The following RHCE variants were observed in gnomAD, a reference collection of about 807,000 sequenced individuals.
The protein encoded by RHCE is blood group Rh(CE) polypeptide.
In RHCE, 22 loss-of-function variants were observed where a neutral mutation model predicts 43.8. That is an observed-to-expected ratio of 0.50 (90% CI 0.36 to 0.72). The LOEUF (loss-of-function observed/expected upper bound fraction) is 0.72. Among genes scored for constraint, RHCE ranks in the 30% least tolerant of loss-of-function variants. The pLI is 0.00. For missense variants in RHCE, 385 were observed against 525.4 expected (o/e 0.73, Z 2.61); for synonymous variants, 156 against 210.7 (o/e 0.74, Z 2.25).
intron 2 of RHCE, among the ~76,000 whole-genome samples, chr1:25,404,675 C>T (rs1444670526): frequency 6.6e-6 from 1 of 151,286 alleles, no homozygotes. Context: ...TCTAGGCTGC[C>T]TGGGCTGGAA....
At chr1:25,371,170 C>G (rs1446390402) in intron 8 of RHCE, among the ~76,000 whole-genome samples, 1 of 150,902 alleles carries the variant, frequency 6.6e-6, no homozygotes, top group African/African-American at 2.5e-5. Context: ...TAGAAGGGCC[C>G]CACGAAAGCT....
At chr1:25,402,792 C>T (rs1212285301) in intron 2 of RHCE, 46 bp from the exon 3 acceptor site, 1 of 1,606,084 alleles carries the variant, frequency 6.2e-7, no homozygotes, top group South Asian at 1.1e-5. Flanking sequence ...GGAAGGATGC[C>T]TCTCACTCAT....
intron 1 of RHCE, among the ~76,000 whole-genome samples, chr1:25,415,072 TTC>T (rs1455166261): frequency 1.3e-5 from 2 of 152,098 alleles, no homozygotes; most frequent in Non-Finnish European, 2.9e-5. Context: ...GTCCCTCCCC[TTC>T]TGTCTCTCAC....
At chr1:25,390,194 G>T (rs623104) in intron 5 of RHCE, among the ~76,000 whole-genome samples, 94 of 151,926 alleles carry the variant, frequency 6.2e-4, no homozygotes, top group African/African-American at 1.1e-3. Flanking sequence ...TTGTCTCTCT[G>T]TACTAATAGC....
At chr1:25,392,993 T>C (rs1463937903) in intron 3 of RHCE, among the ~76,000 whole-genome samples, 5 of 152,170 alleles carry the variant, frequency 3.3e-5, no homozygotes, top group African/African-American at 1.2e-4. Context: ...GTGATATAAA[T>C]TTTGCAACAT....
chr1:25,417,475 T>C lies in RHCE; in HGVS notation c.148+3164A>G, dbSNP rs557129248. On this transcript the variant is annotated intron_variant, in intron 1 of 9. Transcript: ENST00000294413. Reference sequence around the variant, plus strand: ...GGAAAGGCAGAGTGAAACTTCTCCTTGTACAAGCTGTCAGTCACATTCGAG... The same window carrying C: ...GGAAAGGCAGAGTGAAACTTCTCCTCGTACAAGCTGTCAGTCACATTCGAG... Among the ~76,000 whole-genome samples, 869 of 152,292 alleles carry C rather than the reference T, an allele frequency of 5.7e-3. 4 individuals carry two copies. Among genetic ancestry groups the C allele is most frequent in the Non-Finnish European group, 9.1e-3 (619 of 68,028 alleles).
At chr1:25,395,323 A>G (rs1646503947) in intron 3 of RHCE, among the ~76,000 whole-genome samples, 1 of 150,894 alleles carries the variant, frequency 6.6e-6, no homozygotes, top group Admixed American at 6.6e-5. Context: ...ATGCAGGAAC[A>G]AGTGGAGGTG....
chr1:25,416,472 C>T (rs1416884479), intron 1 of RHCE, among the ~76,000 whole-genome samples: 2 of 152,088 alleles, frequency 1.3e-5, no homozygotes, highest in African/African-American at 4.8e-5. Flanking sequence ...ATCATGTTAG[C>T]CAGGATGGTC....
chr1:25,411,136 C>T (rs1276666042), intron 1 of RHCE, among the ~76,000 whole-genome samples: 5 of 151,598 alleles, frequency 3.3e-5, no homozygotes, highest in South Asian at 4.1e-4. Flanking sequence ...TATCAATTTA[C>T]GTGTTTCAAC....
At chr1:25,428,518 C>G (rs2042822178) in intron 2 of RHCE, among the ~76,000 whole-genome samples, 2 of 152,146 alleles carry the variant, frequency 1.3e-5, no homozygotes, top group South Asian at 2.1e-4. Flanking sequence ...TCTTGGCCAC[C>G]CGGTGCCACT....
chr1:25,377,799 G>A (rs1645834432), intron 7 of RHCE, among the ~76,000 whole-genome samples: 1 of 152,214 alleles, frequency 6.6e-6, no homozygotes, highest in Non-Finnish European at 1.5e-5. Context: ...AAGCTACTCA[G>A]GAGGCTGAAG....
Position 25,395,402 on chromosome 1 carries a change from A to G in RHCE, c.487-3261T>C, listed in dbSNP as rs576077657. Among the ~76,000 whole-genome samples the G allele has an allele frequency of 3.4e-3, 523 of 152,302 alleles. 3 individuals are homozygous for G. Among genetic ancestry groups the G allele is most frequent in the African/African-American group, 9.5e-3 (396 of 41,548 alleles). On this transcript the variant is annotated intron_variant, in intron 3 of 9. Transcript: ENST00000294413. ...TGGTGTACAGAGATGTTAGATGTAC[A>G]GAGAGAATCAGAGCCAAAAGATGGA...
Position 25,402,699 on chromosome 1 carries a change from C to T in RHCE, c.383G>A (p.Gly128Asp), listed in dbSNP as rs1053347. 1.1e-5 allele frequency: 17 copies of T among 1,614,068 alleles called. No homozygotes were observed. Among genetic ancestry groups the T allele is most frequent in the African/African-American group, 6.7e-5 (5 of 74,956 alleles). ...CAAGTTGACCTTCCCCAAGACAGCA[C>T]CCGCTGAGATCAGCACCGACATAGC... ...MSAMSVLISAGAVLGKVNLAQ... is the reference protein window; with the variant it reads ...MSAMSVLISADAVLGKVNLAQ... The change falls in exon 3 of 10, where the codon GGT (glycine) becomes GAT (aspartate). Residue 128 changes from glycine (G) to aspartate (D), a missense_variant. Gly to Asp is a moderately conservative substitution (Grantham distance 94). Coordinates refer to ENST00000294413, the MANE Select transcript of RHCE (RefSeq NM_020485.8).
chr1:25,407,313 C>A (rs1432644685), intron 2 of RHCE, among the ~76,000 whole-genome samples: 1 of 123,190 alleles, frequency 8.1e-6, no homozygotes, highest in African/African-American at 2.5e-5. Context: ...GTTCTGACCA[C>A]TCTGGAGCAT....
intron 1 of RHCE, among the ~76,000 whole-genome samples, chr1:25,413,400 G>A (rs1397135608): frequency 6.6e-6 from 1 of 152,022 alleles, no homozygotes; most frequent in Non-Finnish European, 1.5e-5. Flanking sequence ...ACTGGTATCA[G>A]CCTCCACCTC....
At chr1:25,411,362 G>T in intron 1 of RHCE, 1 of 1,550,516 alleles carries the variant, frequency 6.4e-7, no homozygotes, top group Non-Finnish European at 8.7e-7. Context: ...TCCAGCCCTG[G>T]CTTTGATAAC....
At chr1:25,382,947 T>C (rs1646045370) in intron 7 of RHCE, among the ~76,000 whole-genome samples, 1 of 152,152 alleles carries the variant, frequency 6.6e-6, no homozygotes, top group African/African-American at 2.4e-5. Context: ...TAGCTTGAAA[T>C]AGAAGGGAAA....
chr1:25,400,876 G>A (rs1287733338), intron 3 of RHCE, among the ~76,000 whole-genome samples: 3 of 152,112 alleles, frequency 2.0e-5, no homozygotes, highest in East Asian at 1.9e-4. Flanking sequence ...CCCACCCCAC[G>A]TGCAGTCTAT....
upstream of RHCE, among the ~76,000 whole-genome samples, chr1:25,424,260 T>C (rs537869460): frequency 2.0e-5 from 3 of 152,220 alleles, no homozygotes; most frequent in Non-Finnish European, 2.9e-5. Context: ...CTACTTACCA[T>C]GGCTTTATCA....
Sources: gnomAD v4.1 joint callset for allele counts (sites outside exome capture counted in the v4.1 genomes callset) on GRCh38, gnomAD v4.1.1 for gene constraint, MANE v1.5 for transcripts, NCBI Gene and HGNC (gene_info 2026-07-23, HGNC 2026-07-21) for gene names.